Variants in RAB38 observed in about 807,000 individuals in gnomAD.
RAB38 encodes ras-related protein Rab-38.
A neutral mutation model predicts 18.4 loss-of-function variants in RAB38; 15 were observed. The observed-to-expected ratio is 0.82, with a 90% confidence interval of 0.55 to 1.26. RAB38 has a LOEUF of 1.26. RAB38 is among the 50% of genes most tolerant of loss of function. The pLI, the probability that RAB38 is intolerant of heterozygous loss-of-function variation, is 0.00. For synonymous variants in RAB38, 101 were observed against 104.4 expected, an observed-to-expected ratio of 0.97 and a Z score of 0.20; for missense variants, 294 against 267.4, an observed-to-expected ratio of 1.10 and a Z score of -0.69.
chr11:88,128,518 G>C (rs1942731683), intron 2 of RAB38, among the ~76,000 whole-genome samples: 1 of 152,224 alleles, frequency 6.6e-6, no homozygotes, highest in African/African-American at 2.4e-5. Context: ...GCTCCCAGGA[G>C]TAACAGAATT....
chr11:88,106,778 G>A, the RAB38 span, among the ~76,000 whole-genome samples: 3 of 152,096 alleles, frequency 2.0e-5, no homozygotes, highest in Non-Finnish European at 2.9e-5. Flanking sequence ...ATTTCTGACC[G>A]TTTTTATTAG....
At chr11:87,805,569 C>T in the RAB38 span, among the ~76,000 whole-genome samples, 2 of 150,886 alleles carry the variant, frequency 1.3e-5, no homozygotes, top group Non-Finnish European at 2.9e-5. Flanking sequence ...GAGTGATTGG[C>T]AAGCATTTTA....
intron 2 of RAB38, among the ~76,000 whole-genome samples, chr11:88,141,022 A>G (rs1942905521): frequency 6.6e-6 from 1 of 152,198 alleles, no homozygotes; most frequent in African/African-American, 2.4e-5. Context: ...GGCTAGAGAT[A>G]GAGATCAAGG....
intron 1 of RAB38, among the ~76,000 whole-genome samples, chr11:88,154,058 A>C (rs1943096148): frequency 6.6e-6 from 1 of 152,236 alleles, no homozygotes; most frequent in South Asian, 2.1e-4. Context: ...AGAGAGGCAG[A>C]GAGCCTCCCT....
chr11:87,837,123 CAATA>C, the RAB38 span, among the ~76,000 whole-genome samples: 1 of 152,162 alleles, frequency 6.6e-6, no homozygotes, highest in Non-Finnish European at 1.5e-5. Flanking sequence ...TGTGAGCACT[CAATA>C]AATGGTAGTT....
chr11:87,915,261 C>T, the RAB38 span, among the ~76,000 whole-genome samples: 2 of 152,068 alleles, frequency 1.3e-5, no homozygotes, highest in African/African-American at 4.8e-5. Flanking sequence ...AAGGCTGAGA[C>T]CTACTGGGTT....
chr11:88,154,776 G>A (rs1943105247), intron 1 of RAB38, among the ~76,000 whole-genome samples: 1 of 152,220 alleles, frequency 6.6e-6, no homozygotes, highest in Admixed American at 6.5e-5. Context: ...TTTCACACCA[G>A]GGCAGATCTC....
At chr11:88,062,912 T>C in the RAB38 span, among the ~76,000 whole-genome samples, 2 of 152,264 alleles carry the variant, frequency 1.3e-5, no homozygotes, top group Non-Finnish European at 2.9e-5. Context: ...TTTAACTTCA[T>C]GCACTGAAAA....
chr11:87,819,258 G>A, the RAB38 span, among the ~76,000 whole-genome samples: 1 of 152,144 alleles, frequency 6.6e-6, no homozygotes, highest in South Asian at 2.1e-4. Context: ...CCTTTGAAGT[G>A]CTGAATCCAT....
chr11:88,107,469 G>T, the RAB38 span, among the ~76,000 whole-genome samples: 2 of 151,022 alleles, frequency 1.3e-5, no homozygotes, highest in Non-Finnish European at 2.9e-5. Context: ...TTGATTACTT[G>T]TTATGTTTTA....
chr11:87,855,752 C>T, the RAB38 span, among the ~76,000 whole-genome samples: 1 of 152,042 alleles, frequency 6.6e-6, no homozygotes, highest in Non-Finnish European at 1.5e-5. Context: ...TAAAAATATC[C>T]TATGCCTTCC....
intron 2 of RAB38, among the ~76,000 whole-genome samples, chr11:88,114,544 T>A (rs768086621): frequency 5.9e-5 from 9 of 152,240 alleles, no homozygotes; most frequent in African/African-American, 9.6e-5. Context: ...ATAAGAATGA[T>A]AAGACATCTT....
the RAB38 span, among the ~76,000 whole-genome samples, chr11:88,074,453 C>T: frequency 0.78 from 118,044 of 152,126 alleles, 46,051 homozygotes; most frequent in African/African-American, 0.85. Context: ...TCTTTTCTTT[C>T]TGATCTAAAA....
chr11:88,025,244 T>G, the RAB38 span, among the ~76,000 whole-genome samples: 1 of 151,008 alleles, frequency 6.6e-6, no homozygotes, highest in South Asian at 2.1e-4. Flanking sequence ...TAACTATATA[T>G]ATTATATATA....
the RAB38 span, among the ~76,000 whole-genome samples, chr11:88,069,468 G>T: frequency 7.2e-5 from 11 of 152,220 alleles, no homozygotes; most frequent in Admixed American, 2.6e-4. Context: ...CTCCAACCAC[G>T]GCCCTGGTGC....
the RAB38 span, among the ~76,000 whole-genome samples, chr11:87,918,363 C>G: frequency 1.3e-5 from 2 of 152,114 alleles, no homozygotes; most frequent in African/African-American, 4.8e-5. Context: ...ATACAGATCT[C>G]TCTTCTACAT....
At chr11:87,810,219 C>T in the RAB38 span, among the ~76,000 whole-genome samples, 10 of 152,244 alleles carry the variant, frequency 6.6e-5, no homozygotes, top group South Asian at 2.1e-3. Context: ...GTCACTCTTT[C>T]TATCACTATA....
At chr11:88,024,526 T>C in the RAB38 span, among the ~76,000 whole-genome samples, 1 of 152,158 alleles carries the variant, frequency 6.6e-6, no homozygotes, top group South Asian at 2.1e-4. Context: ...AGCAATTCCG[T>C]TGCTGGGTAT....
chr11:88,088,406 T>C, the RAB38 span, among the ~76,000 whole-genome samples: 1 of 151,928 alleles, frequency 6.6e-6, no homozygotes, highest in South Asian at 2.1e-4. Flanking sequence ...GACCTGAAGT[T>C]TAACAGCAGT....
Sources: allele counts gnomAD v4.1 joint callset (sites outside exome capture counted in the v4.1 genomes callset), GRCh38; gene constraint gnomAD v4.1.1; transcripts MANE v1.5; gene names NCBI Gene and HGNC (gene_info 2026-07-23, HGNC 2026-07-21).